Variants in ZFPM2 observed in about 807,000 individuals in gnomAD.
ZFPM2 encodes the protein zinc finger protein, FOG family member 2, also known as zinc finger protein ZFPM2.
A neutral mutation model predicts 98.6 loss-of-function variants in ZFPM2; 20 were observed. That is an observed-to-expected ratio of 0.20 (90% CI 0.14 to 0.29). The LOEUF (loss-of-function observed/expected upper bound fraction) is 0.29. Ranked by LOEUF, ZFPM2 falls within the 10% of genes least tolerant of loss-of-function variation. The probability of loss-of-function intolerance (pLI) is 1.00; values close to 1 mark genes in which losing one functional copy is unlikely to be tolerated. For missense variants in ZFPM2, 1,310 were observed against 1,388.6 expected, an observed-to-expected ratio of 0.94 and a Z score of 0.90; for synonymous variants, 518 against 502.7, an observed-to-expected ratio of 1.03 and a Z score of -0.41.
chr8:105,391,838 A>C (rs1162165795), intron 1 of ZFPM2, among the ~76,000 whole-genome samples: 1 of 152,212 alleles, frequency 6.6e-6, no homozygotes, highest in South Asian at 2.1e-4. Context: ...TAAGTCATCC[A>C]TAAGAGTTGG....
At chr8:105,628,205 G>T (rs868587336) in intron 4 of ZFPM2, among the ~76,000 whole-genome samples, 3 of 152,226 alleles carry the variant, frequency 2.0e-5, no homozygotes, top group Middle Eastern at 6.8e-3. Flanking sequence ...GCTACCAGTG[G>T]CATGTGTCAG....
chr8:105,636,306 T>G (rs1203956947), intron 5 of ZFPM2, among the ~76,000 whole-genome samples: 2 of 152,128 alleles, frequency 1.3e-5, no homozygotes, highest in East Asian at 3.9e-4. Flanking sequence ...CTTTTTGCAA[T>G]AAACAACTTA....
intron 4 of ZFPM2, among the ~76,000 whole-genome samples, chr8:105,571,170 G>C (rs4734880): frequency 0.6 from 91,835 of 151,966 alleles, 28,025 homozygotes; most frequent in African/African-American, 0.72. Flanking sequence ...TCCAGATACT[G>C]TTTGTGGGAG....
chr8:105,564,644 G>A (rs1283044050), intron 4 of ZFPM2, among the ~76,000 whole-genome samples: 2 of 151,958 alleles, frequency 1.3e-5, no homozygotes, highest in African/African-American at 4.8e-5. Context: ...CTTCTGATTC[G>A]AGAGTCTGCT....
rs755562167 is a variant in ZFPM2 at position 105,801,427 on chromosome 8, C to T, written c.1345C>T (p.Leu449Phe). 1 of 1,613,874 alleles carries T rather than the reference C, an allele frequency of 6.2e-7. No homozygotes were observed. The highest frequency in any genetic ancestry group is 2.2e-5 in the East Asian group (1 of 44,858). ...GTGTGAGAAAAAGACTCAGCTCTTTCTCACGAACCAGAGACCAGAGATACA... is the reference window on the plus strand; with the variant it reads ...GTGTGAGAAAAAGACTCAGCTCTTTTTCACGAACCAGAGACCAGAGATACA... ...DKCEKKTQLFLTNQRPEIQPT... is the reference protein window; with the variant it reads ...DKCEKKTQLFFTNQRPEIQPT... The change falls in exon 8 of 8, where the codon CTC becomes TTC. Residue 449 changes from leucine to phenylalanine, a missense_variant. Coordinates refer to ENST00000407775, the MANE Select transcript of ZFPM2 (RefSeq NM_012082.4).
chr8:105,782,852 C>T (rs971636615), intron 5 of ZFPM2, among the ~76,000 whole-genome samples: 17 of 152,008 alleles, frequency 1.1e-4, no homozygotes, highest in African/African-American at 3.6e-4. Flanking sequence ...AAATGCACTT[C>T]GTTTAAATTT....
At chr8:105,740,600 G>A (rs1412875911) in intron 5 of ZFPM2, among the ~76,000 whole-genome samples, 1 of 148,236 alleles carries the variant, frequency 6.7e-6, no homozygotes, top group Non-Finnish European at 1.5e-5. Flanking sequence ...TTAGAGTCAT[G>A]GAAAATAGAA....
At chr8:105,600,636 T>A (rs1458783672) in intron 4 of ZFPM2, among the ~76,000 whole-genome samples, 1 of 152,122 alleles carries the variant, frequency 6.6e-6, no homozygotes, top group African/African-American at 2.4e-5. Flanking sequence ...AGGGAATAGC[T>A]GCTCATTTTT....
At chr8:105,772,657 C>T (rs1813006449) in intron 5 of ZFPM2, among the ~76,000 whole-genome samples, 1 of 152,062 alleles carries the variant, frequency 6.6e-6, no homozygotes, top group Non-Finnish European at 1.5e-5. Context: ...TGTGTTGGTG[C>T]AAATATCTGT....
chr8:105,521,939 C>T (rs1814072041), intron 3 of ZFPM2, among the ~76,000 whole-genome samples: 1 of 152,152 alleles, frequency 6.6e-6, no homozygotes, highest in African/African-American at 2.4e-5. Flanking sequence ...GATATAAACA[C>T]CTATTATGTA....
rs1366175383 is a variant in ZFPM2, at chr8:105,534,089, C to CCCTCCCTCCCTT, written c.302-27266_302-27255dup. On this transcript the variant is annotated intron_variant, in intron 3 of 7. Coordinates refer to ENST00000407775, the MANE Select transcript of ZFPM2 (RefSeq NM_012082.4). ...CTTCCTTCCTCCCTCCCATCTTCCT[C>CCCTCCCTCCCTT]CCTCCCTCCCTTCCTCCCTTCCTTC... Among the ~76,000 whole-genome samples the CCCTCCCTCCCTT allele has an allele frequency of 4.6e-3, 107 of 23,326 alleles. 2 individuals are homozygous for CCCTCCCTCCCTT. Among genetic ancestry groups the CCCTCCCTCCCTT allele is most frequent in the Non-Finnish European group, 6.1e-3 (79 of 13,020 alleles). 15.3% of individuals were successfully genotyped at this position (23,326 alleles called of 152,430 possible).
At chr8:105,439,493 A>T (rs1812193912) in intron 2 of ZFPM2, among the ~76,000 whole-genome samples, 1 of 152,178 alleles carries the variant, frequency 6.6e-6, no homozygotes, top group Admixed American at 6.5e-5. Flanking sequence ...TGTTGGGGAA[A>T]GGAGATTTAC....
intron 5 of ZFPM2, among the ~76,000 whole-genome samples, chr8:105,769,863 G>C (rs986803327): frequency 1.6e-4 from 25 of 151,642 alleles, no homozygotes; most frequent in Admixed American, 4.6e-4. Flanking sequence ...CATTCTGGTG[G>C]ACCCTTTATG....
chr8:105,560,245 A>G (rs145138680), intron 3 of ZFPM2, among the ~76,000 whole-genome samples: 5 of 151,692 alleles, frequency 3.3e-5, no homozygotes, highest in African/African-American at 1.2e-4. Flanking sequence ...TTTCTATTCT[A>G]TATGGATTTT....
chr8:105,508,900 G>A (rs906089122), intron 3 of ZFPM2, among the ~76,000 whole-genome samples: 1 of 151,188 alleles, frequency 6.6e-6, no homozygotes, highest in Non-Finnish European at 1.5e-5. Context: ...CTCCAGTGCA[G>A]CAAGCTGCTT....
intron 1 of ZFPM2, among the ~76,000 whole-genome samples, chr8:105,381,253 A>G (rs535581468): frequency 6.6e-6 from 1 of 151,774 alleles, no homozygotes; most frequent in South Asian, 2.1e-4. Context: ...ATGAAGGTTC[A>G]TATCCTGCAT....
At chr8:105,689,305 T>TGAGTTA (rs1237947461) in intron 5 of ZFPM2, among the ~76,000 whole-genome samples, 2 of 152,216 alleles carry the variant, frequency 1.3e-5, no homozygotes, top group Non-Finnish European at 2.9e-5. Flanking sequence ...GAAAAGGAAC[T>TGAGTTA]GAGACTTCAG....
rs1269566968 is a variant in ZFPM2, at chr8:105,802,787, G to A, written c.2705G>A (p.Arg902Gln). 6 of 1,613,606 alleles carry A rather than the reference G, an allele frequency of 3.7e-6. No individual in the cohort carries two copies. The highest frequency in any genetic ancestry group is 4.2e-6 in the Non-Finnish European group (5 of 1,179,786). The change falls in exon 8 of 8, where the codon CGA (arginine) becomes CAA (glutamine). Residue 902 changes from arginine to glutamine, a missense_variant. Physicochemically the swap from Arg to Gln is conservative, Grantham distance 43. Coordinates refer to ENST00000407775, the MANE Select transcript of ZFPM2 (RefSeq NM_012082.4). ...GKVFPNPESE[R>Q]NSPDVSYERS... ...GTGTTTCCGAATCCAGAAAGCGAACGAAACAGCCCTGATGTCAGCTACGAA... is the reference window on the plus strand; with the variant it reads ...GTGTTTCCGAATCCAGAAAGCGAACAAAACAGCCCTGATGTCAGCTACGAA...
intron 4 of ZFPM2, among the ~76,000 whole-genome samples, chr8:105,571,403 C>G (rs1815351845): frequency 6.6e-6 from 1 of 152,158 alleles, no homozygotes. Context: ...AACACAAATT[C>G]TAAAATATCA....
Sources: gnomAD v4.1 joint callset for allele counts (sites outside exome capture counted in the v4.1 genomes callset) on GRCh38, gnomAD v4.1.1 for gene constraint, MANE v1.5 for transcripts, NCBI Gene and HGNC (gene_info 2026-07-23, HGNC 2026-07-21) for gene names.